SLC26A8: variants seen among roughly 807,000 people sequenced by gnomAD.
The protein encoded by SLC26A8 is testis anion transporter 1.
A neutral mutation model predicts 105.0 loss-of-function variants in SLC26A8; 70 were observed. The observed-to-expected ratio is 0.67, with a 90% confidence interval of 0.55 to 0.81. The LOEUF (loss-of-function observed/expected upper bound fraction) is 0.81. Ranked by LOEUF, SLC26A8 falls within the 40% of genes least tolerant of loss-of-function variation. The pLI is 0.00. For synonymous variants in SLC26A8, 415 were observed against 438.3 expected, an observed-to-expected ratio of 0.95 and a Z score of 0.66; for missense variants, 998 against 1,181.8, an observed-to-expected ratio of 0.84 and a Z score of 2.28.
intron 2 of SLC26A8, among the ~76,000 whole-genome samples, chr6:36,014,439 T>C (rs1256471862): frequency 6.6e-6 from 1 of 151,788 alleles, no homozygotes. Context: ...AAGTGAGAAA[T>C]GGAAGAATCA....
Position 35,951,354 on chromosome 6 carries a change from AC to A in SLC26A8, c.2288-8del, listed in dbSNP as rs1476959093. 1.2e-6 allele frequency: 2 copies of A among 1,613,920 alleles called. No homozygotes were observed. The highest frequency in any genetic ancestry group is 1.7e-6 in the Non-Finnish European group (2 of 1,179,992). ...AATGCCCTGACTATGGAAGCTAAAAACCAAACCCAGAACACACACAATGTCA... is the reference window on the plus strand; with the variant it reads ...AATGCCCTGACTATGGAAGCTAAAAACAAACCCAGAACACACACAATGTCA... On this transcript the variant is annotated splice_region_variant and splice_polypyrimidine_tract_variant and intron_variant, in intron 18 of 19. Transcript: ENST00000490799.
chr6:36,011,727 C>T (rs1761862012), intron 3 of SLC26A8, among the ~76,000 whole-genome samples: 1 of 152,178 alleles, frequency 6.6e-6, no homozygotes, highest in Non-Finnish European at 1.5e-5. Context: ...CCCACCTTGG[C>T]CTCCAGAGTA....
In SLC26A8 at chr6:36,000,054, T is replaced by C; in HGVS notation, c.383A>G (p.Tyr128Cys). 3 of 1,614,130 alleles carry C rather than the reference T, an allele frequency of 1.9e-6. No individual in the cohort carries two copies. The highest frequency in any genetic ancestry group is 3.3e-4 in the Middle Eastern group (2 of 6,062). ...RQLIPPLNIA[Y>C]AAFCSSVIYV... The stretch of plus-strand genomic sequence containing the variant: ...GATTACCGAAGAACAGAAAGCTGCA[T>C]AAGCGATGTTGAGAGGAGGAATCAG... The change falls in exon 4 of 20, where the codon TAT (tyrosine) becomes TGT (cysteine). Residue 128 changes from tyrosine to cysteine, a missense_variant. Tyr to Cys is a radical substitution (Grantham distance 194). Coordinates refer to ENST00000490799, the MANE Select transcript of SLC26A8 (RefSeq NM_052961.4).
At chr6:35,954,434 T>G (rs1035542132) in intron 17 of SLC26A8, among the ~76,000 whole-genome samples, 1 of 152,182 alleles carries the variant, frequency 6.6e-6, no homozygotes, top group Admixed American at 6.5e-5. Context: ...TCAGATCAGC[T>G]GAACTGTGGA....
At chr6:35,985,965 T>C (rs1364332598) in intron 7 of SLC26A8, among the ~76,000 whole-genome samples, 3 of 149,558 alleles carry the variant, frequency 2.0e-5, no homozygotes, top group Admixed American at 6.7e-5. Context: ...TATATATATA[T>C]ACACATTGTG....
intron 10 of SLC26A8, among the ~76,000 whole-genome samples, chr6:35,970,529 A>G (rs1280979443): frequency 6.6e-6 from 1 of 152,234 alleles, no homozygotes; most frequent in Non-Finnish European, 1.5e-5. Context: ...AAGCCTCTCC[A>G]GCCAGGTGAC....
rs1451553110 is a variant in SLC26A8 at position 35,944,112 on chromosome 6, C to A, written c.2701G>T (p.Glu901Ter). The part of the protein sequence containing the change: ...ETETKTQTEM[E>*]PQPETEPEME... ...TCAGGCTCAGTCTCAGGCTGGGGCTCCATCTCGGTCTGGGTCTTGGTCTCG... is the reference window on the plus strand; with the variant it reads ...TCAGGCTCAGTCTCAGGCTGGGGCTACATCTCGGTCTGGGTCTTGGTCTCG... The change falls in exon 20 of 20, where the codon GAG (glutamate) becomes TAG (stop). Residue 901 changes from glutamate to a stop codon, truncating the protein, a stop_gained. Coordinates refer to ENST00000490799, the MANE Select transcript of SLC26A8 (RefSeq NM_052961.4). LOFTEE classifies it high-confidence loss of function. The A allele has an allele frequency of 6.2e-7, 1 of 1,613,986 alleles. No homozygotes were observed. Among genetic ancestry groups the A allele is most frequent in the Admixed American group, 1.7e-5 (1 of 59,984 alleles).
chr6:35,991,487 G>C (rs1761153961), intron 7 of SLC26A8, among the ~76,000 whole-genome samples, 172 bp downstream of exon 7: 1 of 150,976 alleles, frequency 6.6e-6, no homozygotes, highest in South Asian at 2.1e-4. Context: ...TCAATTTTTA[G>C]TTGTCAACTG....
chr6:35,998,581 A>G (rs973895520), intron 4 of SLC26A8, among the ~76,000 whole-genome samples: 14 of 151,920 alleles, frequency 9.2e-5, no homozygotes, highest in Non-Finnish European at 1.3e-4. Flanking sequence ...AAAGAAAAGA[A>G]AAGATAATGA....
At chr6:35,965,509 G>A (rs566924327) in intron 11 of SLC26A8, among the ~76,000 whole-genome samples, 5 of 151,388 alleles carry the variant, frequency 3.3e-5, no homozygotes, top group African/African-American at 7.3e-5. Context: ...GAGAAACCCC[G>A]TCTCTACTAA....
At chr6:35,962,120 G>A (rs1187001161) in intron 12 of SLC26A8, among the ~76,000 whole-genome samples, 2 of 152,046 alleles carry the variant, frequency 1.3e-5, no homozygotes, top group Non-Finnish European at 2.9e-5. Flanking sequence ...CAGCTACTCG[G>A]GAGGCTGAGG....
chr6:35,963,277 A>T (rs1772385037), intron 11 of SLC26A8, among the ~76,000 whole-genome samples: 1 of 152,200 alleles, frequency 6.6e-6, no homozygotes, highest in Non-Finnish European at 1.5e-5. Context: ...AGGAATTTAG[A>T]AGTAAACAAA....
At chr6:36,015,497 G>A (rs1761971619) in intron 2 of SLC26A8, among the ~76,000 whole-genome samples, 1 of 152,184 alleles carries the variant, frequency 6.6e-6, no homozygotes, top group African/African-American at 2.4e-5. Context: ...GAAGTAGGGA[G>A]TAACAGTTGC....
intron 5 of SLC26A8, among the ~76,000 whole-genome samples, chr6:35,997,126 G>A (rs906189209): frequency 1.3e-5 from 2 of 152,048 alleles, no homozygotes; most frequent in African/African-American, 4.8e-5. Flanking sequence ...TGGGGCCACC[G>A]ACCAGTACTG....
At chr6:36,018,794 T>A (rs1762057193) in intron 2 of SLC26A8, among the ~76,000 whole-genome samples, 1 of 152,200 alleles carries the variant, frequency 6.6e-6, no homozygotes, top group African/African-American at 2.4e-5. Flanking sequence ...ACCTAGCTAG[T>A]CACAGCGGGT....
At chr6:35,956,305 A>G (rs1334047382) in intron 16 of SLC26A8, among the ~76,000 whole-genome samples, 1 of 150,464 alleles carries the variant, frequency 6.6e-6, no homozygotes, top group Non-Finnish European at 1.5e-5. Flanking sequence ...GCACACGCCT[A>G]TTGTCCCAGG....
chr6:36,022,725 T>TACC (rs1762155708), intron 1 of SLC26A8, among the ~76,000 whole-genome samples: 1 of 151,982 alleles, frequency 6.6e-6, no homozygotes. Flanking sequence ...AACGCATGGT[T>TACC]TCCTTATTAT....
At chr6:35,947,803 C>T (rs759635438) in intron 19 of SLC26A8, among the ~76,000 whole-genome samples, 3 of 152,012 alleles carry the variant, frequency 2.0e-5, no homozygotes, top group East Asian at 1.9e-4. Context: ...TAGTGGTGTG[C>T]GTCTGTACTC....
intron 7 of SLC26A8, among the ~76,000 whole-genome samples, chr6:35,991,037 G>C (rs1761131158): frequency 6.6e-6 from 1 of 152,172 alleles, no homozygotes; most frequent in Admixed American, 6.6e-5. Flanking sequence ...ATTGCTAAGA[G>C]AGTAGATCTT....
Sources: gnomAD v4.1 joint callset for allele counts (sites outside exome capture counted in the v4.1 genomes callset) on GRCh38, gnomAD v4.1.1 for gene constraint, MANE v1.5 for transcripts, NCBI Gene and HGNC (gene_info 2026-07-23, HGNC 2026-07-21) for gene names.